The following ANK2 variants were observed in gnomAD, a reference collection of about 807,000 sequenced individuals.
The protein encoded by ANK2 is ankyrin-2.
Under a neutral mutation model 360.5 loss-of-function variants are expected in ANK2, and 83 were observed. The ratio of observed to expected loss-of-function variants is 0.23; its 90% CI spans 0.19 to 0.28. ANK2 has a LOEUF of 0.28. ANK2 is among the 10% of genes least tolerant of loss of function. The pLI is 1.00. For synonymous variants in ANK2, 1,740 were observed against 1,759.5 expected (o/e 0.99, Z 0.28); for missense variants, 4,201 against 4,795.7 (o/e 0.88, Z 3.66).
the ANK2 span, among the ~76,000 whole-genome samples, chr4:112,746,507 C>A: frequency 3.2e-3 from 387 of 121,546 alleles, no homozygotes; most frequent in South Asian, 4.3e-3. Flanking sequence ...GATGCTGTCT[C>A]AAAAAAAAAA....
At chr4:112,893,344 C>T (rs1357040899) in intron 1 of ANK2, among the ~76,000 whole-genome samples, 1 of 151,902 alleles carries the variant, frequency 6.6e-6, no homozygotes, top group Non-Finnish European at 1.5e-5. Flanking sequence ...ATATTTTTTC[C>T]TAAAGATGAG....
chr4:112,836,838 A>G (rs940467829), intron 1 of ANK2, among the ~76,000 whole-genome samples: 1 of 152,220 alleles, frequency 6.6e-6, no homozygotes, highest in African/African-American at 2.4e-5. Flanking sequence ...GTGCTCACAA[A>G]AAGATGACTT....
chr4:113,357,369 T>A lies in ANK2; in HGVS notation c.8751T>A (p.Asp2917Glu). ...CCGTGTCTGACCTAGCTGAGAATGATGAAATCTATGATCCACAAATCACTA... is the reference window on the plus strand; with the variant it reads ...CCGTGTCTGACCTAGCTGAGAATGAAGAAATCTATGATCCACAAATCACTA... Reference protein sequence around the residue: ...DVPVSDLAENDEIYDPQITSP... With the variant: ...DVPVSDLAENEEIYDPQITSP... Residue 2917 changes from aspartate (D) to glutamate (E), a missense_variant, in exon 38 of 46, where the codon GAT becomes GAA. Transcript: ENST00000357077. 6.2e-7 allele frequency: 1 copy of A among 1,614,062 alleles called. No homozygotes were observed. The highest frequency in any genetic ancestry group is 8.5e-7 in the Non-Finnish European group (1 of 1,179,976).
chr4:113,312,217 C>T (rs963304765), intron 24 of ANK2, among the ~76,000 whole-genome samples: 1 of 150,930 alleles, frequency 6.6e-6, no homozygotes, highest in Non-Finnish European at 1.5e-5. Context: ...TTGGAGGATC[C>T]CTTGAGCCCC....
At chr4:112,721,968 T>C in the ANK2 span, among the ~76,000 whole-genome samples, 1 of 152,214 alleles carries the variant, frequency 6.6e-6, no homozygotes, top group Admixed American at 6.5e-5. Flanking sequence ...AGCATTATTA[T>C]CAGACTTCAT....
chr4:113,249,307 C>A (rs556099924), intron 9 of ANK2, among the ~76,000 whole-genome samples: 17 of 152,238 alleles, frequency 1.1e-4, no homozygotes, highest in African/African-American at 2.9e-4. Context: ...GAAAAAATTA[C>A]GCTAAGAAAA....
chr4:112,897,192 A>T (rs2082023178), intron 1 of ANK2, among the ~76,000 whole-genome samples: 1 of 152,164 alleles, frequency 6.6e-6, no homozygotes, highest in Non-Finnish European at 1.5e-5. Context: ...CTCTCTTCAA[A>T]CACCTTGCAT....
At chr4:112,807,426 T>C in the ANK2 span, among the ~76,000 whole-genome samples, 11 of 152,206 alleles carry the variant, frequency 7.2e-5, no homozygotes, top group African/African-American at 2.7e-4. Flanking sequence ...AGGAAGAACA[T>C]GGCAGAACAC....
chr4:113,304,936 T>C (rs1427089696), intron 23 of ANK2, among the ~76,000 whole-genome samples: 1 of 152,228 alleles, frequency 6.6e-6, no homozygotes, highest in East Asian at 1.9e-4. Context: ...ATAAATTGAA[T>C]AGTGATTATT....
chr4:113,045,159 G>A (rs2063956100), upstream of ANK2, among the ~76,000 whole-genome samples: 5 of 152,236 alleles, frequency 3.3e-5, no homozygotes, highest in South Asian at 1.0e-3. Context: ...AATTTAAATA[G>A]TGTGTTAGAG....
the ANK2 span, among the ~76,000 whole-genome samples, chr4:112,803,649 A>G: frequency 4.6e-5 from 7 of 152,144 alleles, 1 homozygote; most frequent in Admixed American, 2.6e-4. Flanking sequence ...TGAGAGAATA[A>G]ATATCTCGAA....
rs114974983 is a variant in ANK2 at position 112,947,777 on chromosome 4, A to G, written c.21+43263A>G. Reference sequence around the variant, plus strand: ...ACTGCAGTGTTCTTCTTTGGATGAAATGTGTGTTAAACATCTAGACCTAAG... The same window carrying G: ...ACTGCAGTGTTCTTCTTTGGATGAAGTGTGTGTTAAACATCTAGACCTAAG... On this transcript the variant is annotated intron_variant, in intron 2 of 30. Coordinates refer to the ANK2 transcript ENST00000503271. Among the ~76,000 whole-genome samples, 1,046 of 152,280 alleles carry G rather than the reference A, an allele frequency of 6.9e-3. 13 individuals are homozygous for G. Among genetic ancestry groups the G allele is most frequent in the African/African-American group, 0.024 (994 of 41,552 alleles).
intron 45 of ANK2, among the ~76,000 whole-genome samples, chr4:113,380,263 A>AAAAG (rs552730579): frequency 3.3e-5 from 5 of 152,074 alleles, no homozygotes; most frequent in African/African-American, 9.7e-5. Flanking sequence ...CTAAAAAAAA[A>AAAAG]AAGAAGAATA....
At chr4:113,115,962 T>G (rs970099583) in intron 1 of ANK2, among the ~76,000 whole-genome samples, 1 of 152,170 alleles carries the variant, frequency 6.6e-6, no homozygotes, top group Admixed American at 6.5e-5. Flanking sequence ...ATATACAATA[T>G]AGTGGTATGA....
intron 2 of ANK2, among the ~76,000 whole-genome samples, chr4:112,997,815 T>C (rs917756152): frequency 7.9e-5 from 12 of 151,696 alleles, no homozygotes; most frequent in South Asian, 2.1e-4. Context: ...CACACACACA[T>C]ATATGCACAT....
chr4:112,846,789 G>A lies in ANK2; in HGVS notation c.-40+28525G>A, dbSNP rs144299155. Among the ~76,000 whole-genome samples the A allele has an allele frequency of 1.2e-4, 18 of 152,216 alleles. No homozygotes were observed. The East Asian group carries it at 3.1e-3, about 26-fold the overall frequency. ...TGAGGCTAAGCTGCTGTAACAAAGA[G>A]GTAGATGGGTCGTTTTGCCCATGAG... is the stretch of plus-strand genomic sequence containing the variant. On this transcript the variant is annotated intron_variant, in intron 1 of 30. Coordinates refer to the ANK2 transcript ENST00000503271.
rs1240166436 is a variant in ANK2 at position 113,381,733 on chromosome 4, T to C, written c.*262T>C. 7 of 1,328,394 alleles carry C rather than the reference T, an allele frequency of 5.3e-6. No individual in the cohort carries two copies. The Admixed American group carries it at 1.0e-4, about 20-fold the overall frequency. The allele number at this position is 1,328,394 out of a possible 1,614,324, so 82.3% of individuals were successfully genotyped here. A position where few individuals can be genotyped will look rare whatever the true frequency, so the allele number is the denominator to read the frequency against. On this transcript the variant is annotated 3_prime_UTR_variant, in exon 46 of 46. Transcript: ENST00000357077. ...GGAGTGACCTAACTGGCCTAATTAA[T>C]GGGATACCCCGACATTTCCACTGTT...
At position 113,232,201 on chromosome 4, in the gene ANK2, A is replaced by G; in HGVS notation, c.425A>G (p.His142Arg). ...TPLYMAAQEN[H>R]IDVVKYLLEN... Reference sequence around the variant, plus strand: ...TTATACATGGCTGCCCAAGAGAATCACATTGATGTTGTAAAATATTTGCTG... The same window carrying G: ...TTATACATGGCTGCCCAAGAGAATCGCATTGATGTTGTAAAATATTTGCTG... The change falls in exon 5 of 46, where the codon CAC becomes CGC. Residue 142 changes from histidine to arginine, a missense_variant. This residue lies in a region of ANK2 where 169 missense variants were observed against 191.1 expected (regional missense o/e 0.88). Coordinates refer to ENST00000357077, the MANE Select transcript of ANK2 (RefSeq NM_001148.6). 6.2e-7 allele frequency: 1 copy of G among 1,608,380 alleles called. No homozygotes were observed. Among genetic ancestry groups the G allele is most frequent in the Non-Finnish European group, 8.5e-7 (1 of 1,174,856 alleles).
At chr4:113,344,459 T>C (rs1177357306) in intron 34 of ANK2, among the ~76,000 whole-genome samples, 1 of 152,168 alleles carries the variant, frequency 6.6e-6, no homozygotes, top group Non-Finnish European at 1.5e-5. Flanking sequence ...TGCAAAATAG[T>C]GCAGCGACTT....
Sources: allele counts gnomAD v4.1 joint callset (sites outside exome capture counted in the v4.1 genomes callset), GRCh38; gene constraint gnomAD v4.1.1; regional missense constraint gnomAD v4.1.1; transcripts MANE v1.5; gene names NCBI Gene and HGNC (gene_info 2026-07-23, HGNC 2026-07-21).